GPC3: variants seen among roughly 807,000 people sequenced by gnomAD.
The protein encoded by GPC3 is glypican-3.
A neutral mutation model predicts 34.4 loss-of-function variants in GPC3; 3 were observed. The observed-to-expected ratio is 0.09, with a 90% CI of 0.04 to 0.23. The LOEUF is 0.23. Ranked by LOEUF, GPC3 falls within the 10% of genes least tolerant of loss-of-function variation. The pLI is 1.00. For missense variants in GPC3, 351 were observed against 445.6 expected, an observed-to-expected ratio of 0.79 and a Z score of 1.91; for synonymous variants, 177 against 174.0, an observed-to-expected ratio of 1.02 and a Z score of -0.13.
intron 3 of GPC3, among the ~76,000 whole-genome samples, chrX:133,702,620 A>G (rs1029294920): frequency 1.8e-5 from 2 of 111,555 alleles, no homozygotes; most frequent in Non-Finnish European, 1.9e-5. Context: ...AACCTACTGG[A>G]AAGGGGTGCA....
chrX:133,861,024 C>T (rs2075933870), intron 2 of GPC3, among the ~76,000 whole-genome samples: 1 of 111,034 alleles, frequency 9.0e-6, no homozygotes, highest in Non-Finnish European at 1.9e-5. Flanking sequence ...ATTGCTTGAG[C>T]CTGGGAGGTT....
chrX:133,961,459 G>C (rs1323390378), intron 1 of GPC3, among the ~76,000 whole-genome samples: 1 of 111,766 alleles, frequency 8.9e-6, no homozygotes, highest in African/African-American at 3.3e-5. Flanking sequence ...TGAATCCCCA[G>C]ATCACTACAC....
At chrX:133,851,104 AAAAC>A (rs955101160) in intron 2 of GPC3, among the ~76,000 whole-genome samples, 1 of 111,491 alleles carries the variant, frequency 9.0e-6, no homozygotes, top group African/African-American at 3.3e-5. Context: ...CTCCGTCTCC[AAAAC>A]AAACAAACAA....
chrX:133,858,349 T>C (rs1338462809), intron 2 of GPC3, among the ~76,000 whole-genome samples: 17 of 111,972 alleles, frequency 1.5e-4, no homozygotes, highest in Non-Finnish European at 2.6e-4. Context: ...GATGGAGGGA[T>C]TGTCAAAGGT....
chrX:133,664,637 C>A (rs1007491848), intron 5 of GPC3, among the ~76,000 whole-genome samples: 3 of 111,267 alleles, frequency 2.7e-5, no homozygotes, highest in Non-Finnish European at 3.8e-5. Context: ...CTACCAGCTG[C>A]CAAATTGTTG....
chrX:133,571,450 C>T (rs1337299904), intron 7 of GPC3, among the ~76,000 whole-genome samples: 1 of 110,973 alleles, frequency 9.0e-6, no homozygotes, highest in Non-Finnish European at 1.9e-5. Context: ...GCAAGCTCCG[C>T]CTCTGGGGTT....
chrX:133,762,053 C>T (rs1441134951), intron 2 of GPC3, among the ~76,000 whole-genome samples: 1 of 111,670 alleles, frequency 9.0e-6, no homozygotes, highest in South Asian at 3.7e-4. Context: ...ACTTTAAATT[C>T]CTCTGGGGAC....
At chrX:133,732,655 C>T (rs996043555) in intron 3 of GPC3, among the ~76,000 whole-genome samples, 3 of 111,241 alleles carry the variant, frequency 2.7e-5, no homozygotes, top group Non-Finnish European at 5.7e-5. Context: ...ACTCATCCTA[C>T]CACCTCCTAA....
chrX:133,804,459 A>C (rs748451172), intron 2 of GPC3, among the ~76,000 whole-genome samples: 1 of 110,329 alleles, frequency 9.1e-6, no homozygotes, highest in African/African-American at 3.3e-5. Flanking sequence ...AAGATTCCTC[A>C]ATCTCTCCCC....
intron 7 of GPC3, among the ~76,000 whole-genome samples, chrX:133,558,401 G>A (rs2069511679): frequency 9.1e-6 from 1 of 109,434 alleles, no homozygotes; most frequent in Non-Finnish European, 1.9e-5. Flanking sequence ...CGCCTTCCAG[G>A]CTCTCTCACC....
intron 2 of GPC3, among the ~76,000 whole-genome samples, chrX:133,860,284 T>G (rs1422046567): frequency 9.0e-6 from 1 of 111,297 alleles, no homozygotes; most frequent in Admixed American, 9.5e-5. Flanking sequence ...ACCGTTTTTT[T>G]CCCCCAGATT....
intron 5 of GPC3, among the ~76,000 whole-genome samples, chrX:133,676,399 C>A (rs764067934): frequency 9.8e-4 from 110 of 112,478 alleles, no homozygotes; most frequent in Non-Finnish European, 1.8e-3. Flanking sequence ...GGGGAAAGAG[C>A]CTACCTTTGC....
chrX:133,614,106 CAG>C (rs2070137036), intron 6 of GPC3, among the ~76,000 whole-genome samples: 2 of 111,265 alleles, frequency 1.8e-5, no homozygotes, highest in Non-Finnish European at 3.8e-5. Context: ...AACAAATCTG[CAG>C]AGTCATGTGG....
intron 3 of GPC3, among the ~76,000 whole-genome samples, chrX:133,712,455 G>A (rs1398812927): frequency 8.9e-6 from 1 of 111,889 alleles, no homozygotes; most frequent in African/African-American, 3.2e-5. Flanking sequence ...AATGTTATGA[G>A]CTCTTTAAAA....
chrX:133,700,969 T>C (rs1380481418), intron 3 of GPC3, among the ~76,000 whole-genome samples: 1 of 111,733 alleles, frequency 8.9e-6, no homozygotes, highest in African/African-American at 3.3e-5. Flanking sequence ...TTTAAAAACA[T>C]AGGTGCTCAA....
At chrX:133,884,780 A>G (rs1443911530) in intron 2 of GPC3, among the ~76,000 whole-genome samples, 1 of 111,966 alleles carries the variant, frequency 8.9e-6, no homozygotes, top group Non-Finnish European at 1.9e-5. Context: ...CAGTCCAATC[A>G]ATGTTCAACA....
intron 6 of GPC3, among the ~76,000 whole-genome samples, chrX:133,652,076 A>T (rs146440421): frequency 0.037 from 4,128 of 112,104 alleles, 187 homozygotes; most frequent in African/African-American, 0.13. Context: ...TTTCATTAAG[A>T]TGTGACACCA....
intron 1 of GPC3, among the ~76,000 whole-genome samples, chrX:133,956,302 T>A (rs2076416087): frequency 8.9e-6 from 1 of 112,656 alleles, no homozygotes; most frequent in Admixed American, 9.4e-5. Context: ...TAAAGCTTTA[T>A]GATTATCTTC....
intron 6 of GPC3, among the ~76,000 whole-genome samples, chrX:133,650,628 T>A (rs2070592839): frequency 9.0e-6 from 1 of 111,675 alleles, no homozygotes; most frequent in Admixed American, 9.6e-5. Context: ...TTAGAATTTT[T>A]AAATCATTTA....
Sources: allele counts gnomAD v4.1 joint callset (sites outside exome capture counted in the v4.1 genomes callset), GRCh38; gene constraint gnomAD v4.1.1; transcripts MANE v1.5; gene names NCBI Gene and HGNC (gene_info 2026-07-23, HGNC 2026-07-21).